Variants in PAPPA observed in about 807,000 individuals in gnomAD.
PAPPA encodes pappalysin 1, also known as pappalysin-1.
PAPPA carries 60 observed loss-of-function variants against 164.0 expected under a neutral mutation model. The observed-to-expected ratio is 0.37, with a 90% CI of 0.30 to 0.45. PAPPA has a LOEUF of 0.45. PAPPA is among the 20% of genes least tolerant of loss of function. The pLI is 1.00. For missense variants in PAPPA, 1,782 were observed against 2,087.3 expected, an observed-to-expected ratio of 0.85 and a Z score of 2.85; for synonymous variants, 875 against 814.1, an observed-to-expected ratio of 1.07 and a Z score of -1.27.
At chr9:116,290,019 G>T (rs1845416973) in intron 9 of PAPPA, among the ~76,000 whole-genome samples, 1 of 152,198 alleles carries the variant, frequency 6.6e-6, no homozygotes, top group Non-Finnish European at 1.5e-5. Flanking sequence ...GGTCTGGATT[G>T]TATCTGCAAA....
At chr9:116,340,103 T>A (rs1463730183) in intron 13 of PAPPA, among the ~76,000 whole-genome samples, 1 of 152,344 alleles carries the variant, frequency 6.6e-6, no homozygotes, top group South Asian at 2.1e-4. Flanking sequence ...ATCAGCCACC[T>A]TTCTCCCTTC....
chr9:116,379,921 C>T (rs1358806259), intron 20 of PAPPA, among the ~76,000 whole-genome samples: 2 of 152,084 alleles, frequency 1.3e-5, no homozygotes, highest in Non-Finnish European at 2.9e-5. Flanking sequence ...CTCTAAGTAC[C>T]AGAGCTTTTC....
intron 9 of PAPPA, among the ~76,000 whole-genome samples, chr9:116,275,625 C>G (rs1438695909): frequency 6.6e-6 from 1 of 151,952 alleles, no homozygotes. Flanking sequence ...CTCTTCACCC[C>G]TTCCTCTTCC....
intron 10 of PAPPA, 100 bp downstream of exon 10, chr9:116,303,050 C>A (rs1031552528): frequency 4.6e-6 from 4 of 860,398 alleles, no homozygotes; most frequent in Non-Finnish European, 7.3e-6. Flanking sequence ...TTGGCTATAG[C>A]CACTTGAGCA....
intron 2 of PAPPA, among the ~76,000 whole-genome samples, chr9:116,203,386 T>C (rs1331443850): frequency 6.6e-6 from 1 of 152,094 alleles, no homozygotes; most frequent in Non-Finnish European, 1.5e-5. Flanking sequence ...TGGTTCTCTC[T>C]TGAAGGATAC....
intron 21 of PAPPA, among the ~76,000 whole-genome samples, chr9:116,392,836 C>T (rs3789305): frequency 1.3e-5 from 2 of 152,160 alleles, no homozygotes; most frequent in Non-Finnish European, 2.9e-5. Flanking sequence ...GATGGGGAGG[C>T]TGAAGTCCAC....
intron 7 of PAPPA, among the ~76,000 whole-genome samples, chr9:116,258,871 C>A (rs768205053): frequency 3.3e-5 from 5 of 151,948 alleles, no homozygotes; most frequent in Non-Finnish European, 5.9e-5. Flanking sequence ...TGGTGGCTTA[C>A]GCCTGTAATC....
At chr9:116,348,916 A>G (rs534118128) in intron 15 of PAPPA, among the ~76,000 whole-genome samples, 2 of 152,208 alleles carry the variant, frequency 1.3e-5, no homozygotes, top group African/African-American at 4.8e-5. Context: ...ATAGGCATTT[A>G]GGTTGATTCC....
At chr9:116,366,955 G>A (rs1481559813) in intron 18 of PAPPA, among the ~76,000 whole-genome samples, 3 of 152,140 alleles carry the variant, frequency 2.0e-5, no homozygotes, top group Non-Finnish European at 4.4e-5. Flanking sequence ...AGAGAAGCTG[G>A]TATTGCATTT....
At chr9:116,159,676 C>T (rs1411708017) in intron 1 of PAPPA, among the ~76,000 whole-genome samples, 3 of 152,210 alleles carry the variant, frequency 2.0e-5, no homozygotes, top group Non-Finnish European at 1.5e-5. Context: ...CTCTCACCTT[C>T]CGTTGAGCTG....
At chr9:116,202,504 T>C (rs76169375) in intron 2 of PAPPA, among the ~76,000 whole-genome samples, 2,967 of 152,214 alleles carry the variant, frequency 0.019, 80 homozygotes, top group East Asian at 0.11. Context: ...AGGGCTGGGC[T>C]CCCTGAAATA....
At chr9:116,321,559 C>T (rs1296439566) in intron 10 of PAPPA, among the ~76,000 whole-genome samples, 1 of 152,122 alleles carries the variant, frequency 6.6e-6, no homozygotes, top group African/African-American at 2.4e-5. Flanking sequence ...TGGTGCCTGT[C>T]CTGTGCAATG....
At chr9:116,355,064 C>T (rs1846335117) in intron 17 of PAPPA, among the ~76,000 whole-genome samples, 1 of 152,238 alleles carries the variant, frequency 6.6e-6, no homozygotes, top group African/African-American at 2.4e-5. Flanking sequence ...ATCCCTTCCA[C>T]TGCCGGGCTC....
intron 17 of PAPPA, among the ~76,000 whole-genome samples, chr9:116,359,733 G>C (rs989113668): frequency 6.6e-6 from 1 of 152,202 alleles, no homozygotes; most frequent in African/African-American, 2.4e-5. Context: ...ATGTGGAGGT[G>C]GGAAAGCAAG....
intron 19 of PAPPA, chr9:116,373,188 A>C (rs1443490184): frequency 6.6e-6 from 1 of 152,158 alleles, no homozygotes; most frequent in Non-Finnish European, 1.5e-5. Context: ...CCCATAGACA[A>C]AGAGATGCAG....
intron 12 of PAPPA, among the ~76,000 whole-genome samples, chr9:116,333,866 C>T (rs1846025003): frequency 6.6e-6 from 1 of 152,142 alleles, no homozygotes; most frequent in African/African-American, 2.4e-5. Flanking sequence ...CCCTCCACCC[C>T]CACCATCACC....
At chr9:116,196,305 G>A (rs1480858495) in intron 2 of PAPPA, among the ~76,000 whole-genome samples, 1 of 152,150 alleles carries the variant, frequency 6.6e-6, no homozygotes, top group Non-Finnish European at 1.5e-5. Flanking sequence ...CAGTACTGGT[G>A]CCCTTTCAAG....
chr9:116,349,429 C>T (rs1339095316), intron 15 of PAPPA, among the ~76,000 whole-genome samples: 1 of 152,034 alleles, frequency 6.6e-6, no homozygotes, highest in Admixed American at 6.6e-5. Context: ...CTGGGAGTAA[C>T]GAATATACAA....
In PAPPA at chr9:116,398,727, G is replaced by C; in HGVS notation, c.*2111G>C. 2.2e-6 allele frequency: 1 copy of C among 458,084 alleles called. No homozygotes were observed. The highest frequency in any genetic ancestry group is 4.4e-6 in the Non-Finnish European group (1 of 228,876). The allele number at this position is 458,084 out of a possible 1,614,324, so 28.4% of individuals were successfully genotyped here. ...CTGAAATTGGGTTCCATATTGGCAA[G>C]GCTGCCACAGTTGTTAAGAATAATC... is the stretch of plus-strand genomic sequence containing the variant. On this transcript the variant is annotated 3_prime_UTR_variant, in exon 22 of 22. Coordinates refer to ENST00000328252, the MANE Select transcript of PAPPA (RefSeq NM_002581.5).
Sources: gnomAD v4.1 joint callset for allele counts (sites outside exome capture counted in the v4.1 genomes callset) on GRCh38, gnomAD v4.1.1 for gene constraint, MANE v1.5 for transcripts, NCBI Gene and HGNC (gene_info 2026-07-23, HGNC 2026-07-21) for gene names.